The following DCDC2 variants were observed in gnomAD, a reference collection of about 807,000 sequenced individuals.
The protein encoded by DCDC2 is doublecortin domain-containing protein 2.
Under a neutral mutation model 50.2 loss-of-function variants are expected in DCDC2, and 40 were observed. The ratio of observed to expected loss-of-function variants is 0.80; its 90% confidence interval spans 0.62 to 1.04. DCDC2 has a LOEUF of 1.04. DCDC2 is among the 50% of genes least tolerant of loss of function. DCDC2 has a pLI of 0.00. For synonymous variants in DCDC2, 234 were observed against 210.6 expected (o/e 1.11, Z -0.96); for missense variants, 570 against 581.9 (o/e 0.98, Z 0.21).
chr6:24,264,453 GA>G (rs1345874323), intron 7 of DCDC2, among the ~76,000 whole-genome samples: 1 of 151,790 alleles, frequency 6.6e-6, no homozygotes, highest in Non-Finnish European at 1.5e-5. Context: ...ATTATAAATA[GA>G]AATAATATGT....
At chr6:24,179,313 C>T (rs1033875464) in intron 8 of DCDC2, among the ~76,000 whole-genome samples, 3 of 151,778 alleles carry the variant, frequency 2.0e-5, no homozygotes, top group East Asian at 1.9e-4. Flanking sequence ...TTTGGGAGGC[C>T]GAGGCGGGCA....
intron 7 of DCDC2, among the ~76,000 whole-genome samples, chr6:24,269,100 A>C (rs1763185065): frequency 6.6e-6 from 1 of 152,246 alleles, no homozygotes; most frequent in Admixed American, 6.5e-5. Context: ...GCAATAGAGA[A>C]GAATAAAAAT....
At chr6:24,348,297 A>G (rs1387376947) in intron 2 of DCDC2, among the ~76,000 whole-genome samples, 1 of 152,218 alleles carries the variant, frequency 6.6e-6, no homozygotes, top group Non-Finnish European at 1.5e-5. Flanking sequence ...TAAAAGAATC[A>G]GGGATTAACC....
chr6:24,239,057 T>C, intron 7 of DCDC2, among the ~76,000 whole-genome samples: 1 of 152,186 alleles, frequency 6.6e-6, no homozygotes, highest in South Asian at 2.1e-4. Flanking sequence ...CTTCCCAAAA[T>C]TTATTCATTC....
intron 2 of DCDC2, among the ~76,000 whole-genome samples, chr6:24,348,509 T>C (rs1760308098): frequency 6.6e-6 from 1 of 152,192 alleles, no homozygotes; most frequent in African/African-American, 2.4e-5. Context: ...AATGTGTCTA[T>C]CCTCTAAGCC....
At chr6:24,217,275 G>A (rs1291146450) in intron 7 of DCDC2, among the ~76,000 whole-genome samples, 2 of 151,954 alleles carry the variant, frequency 1.3e-5, no homozygotes, top group Non-Finnish European at 2.9e-5. Context: ...ATACTTAAAG[G>A]ATTAAATACC....
intron 7 of DCDC2, among the ~76,000 whole-genome samples, chr6:24,206,659 G>A (rs924653568): frequency 6.6e-6 from 1 of 152,096 alleles, no homozygotes. Context: ...GTATCCAAGC[G>A]GAGCTACGAA....
At chr6:24,303,314 C>T (rs1466673198) in intron 2 of DCDC2, among the ~76,000 whole-genome samples, 1 of 152,026 alleles carries the variant, frequency 6.6e-6, no homozygotes, top group Non-Finnish European at 1.5e-5. Context: ...GGCCAAGTGC[C>T]GCTTACTTGG....
At chr6:24,227,739 AAAC>A (rs1762260882) in intron 7 of DCDC2, among the ~76,000 whole-genome samples, 3 of 152,350 alleles carry the variant, frequency 2.0e-5, no homozygotes, top group South Asian at 2.1e-4. Context: ...CACATGATGC[AAAC>A]AACAACCGTC....
the DCDC2 span, among the ~76,000 whole-genome samples, chr6:24,365,080 A>T: frequency 1.7e-3 from 256 of 150,220 alleles, no homozygotes; most frequent in African/African-American, 5.5e-3. Context: ...GAATTCAATT[A>T]GTTCTGGTAA....
the DCDC2 span, among the ~76,000 whole-genome samples, chr6:24,380,732 G>A: frequency 4.2e-3 from 641 of 152,330 alleles, 2 homozygotes; most frequent in Non-Finnish European, 7.6e-3. Flanking sequence ...TATGAGGAGT[G>A]AGGACCAAAC....
At chr6:24,360,423 G>C (rs140275382), upstream of DCDC2, among the ~76,000 whole-genome samples, 1,653 of 152,306 alleles carry the variant, frequency 0.011, 28 homozygotes, top group African/African-American at 0.035. Flanking sequence ...CCTGTGCCAA[G>C]CTTTACGCCA....
At chr6:24,249,714 A>T (rs890206321) in intron 7 of DCDC2, among the ~76,000 whole-genome samples, 4 of 152,216 alleles carry the variant, frequency 2.6e-5, no homozygotes, top group African/African-American at 4.8e-5. Context: ...CACATCTCCT[A>T]ACAGCATTTC....
intron 7 of DCDC2, among the ~76,000 whole-genome samples, chr6:24,252,822 C>T (rs1374213093): frequency 2.6e-5 from 4 of 152,108 alleles, no homozygotes; most frequent in African/African-American, 9.7e-5. Flanking sequence ...CTCAACAATA[C>T]AAAGAGACTA....
In DCDC2 at chr6:24,301,764, G is replaced by A. The variant is rs1169525645; in HGVS notation, c.508C>T (p.Leu170=). 1 of 1,614,038 alleles carries A rather than the reference G, an allele frequency of 6.2e-7. No individual in the cohort carries two copies. The highest frequency in any genetic ancestry group is 1.3e-5 in the African/African-American group (1 of 74,906). The change falls in exon 4 of 10, where the codon CTA becomes TTA. Residue 170 remains leucine, a synonymous_variant. Coordinates refer to ENST00000378454, the MANE Select transcript of DCDC2 (RefSeq NM_016356.5). Reference sequence around the variant, plus strand: ...GTGATTTTTTCTGTGACCATTTGTAGTACATGATCCCACTGATTCAAGGTT... The same window carrying A: ...GTGATTTTTTCTGTGACCATTTGTAATACATGATCCCACTGATTCAAGGTT... The part of the protein sequence containing the change: ...RKTLNQWDHV[L]QMVTEKITLR...
chr6:24,196,921 T>C (rs1431246526), intron 8 of DCDC2, among the ~76,000 whole-genome samples: 2 of 152,224 alleles, frequency 1.3e-5, no homozygotes, highest in African/African-American at 2.4e-5. Context: ...TCCACACTTT[T>C]AGTTTTCCAT....
At chr6:24,193,766 C>A (rs1475391089) in intron 8 of DCDC2, among the ~76,000 whole-genome samples, 1 of 151,852 alleles carries the variant, frequency 6.6e-6, no homozygotes, top group Non-Finnish European at 1.5e-5. Flanking sequence ...ATGTATGTGG[C>A]CCTATTTTTG....
rs180875825 is a variant in DCDC2 at position 24,299,041 on chromosome 6, G to T, written c.557+2674C>A. ...ACCAAAAAGAAGCATGCACTGGTAC[G>T]TTCACTGCCGTGCTATTCACAATAG... is the stretch of plus-strand genomic sequence containing the variant. On this transcript the variant is annotated intron_variant, in intron 4 of 9. Coordinates refer to ENST00000378454, the MANE Select transcript of DCDC2 (RefSeq NM_016356.5). 2.0e-5 allele frequency among the ~76,000 whole-genome samples: 3 copies of T among 152,306 alleles called. No homozygotes were observed. In the East Asian group the frequency reaches 5.8e-4, roughly 29 times the overall value.
At chr6:24,274,111 C>T (rs1763298070) in intron 7 of DCDC2, among the ~76,000 whole-genome samples, 1 of 152,218 alleles carries the variant, frequency 6.6e-6, no homozygotes, top group African/African-American at 2.4e-5. Flanking sequence ...GCCTTGAAAA[C>T]GTACTTACAA....
Sources: gnomAD v4.1 joint callset for allele counts (sites outside exome capture counted in the v4.1 genomes callset) on GRCh38, gnomAD v4.1.1 for gene constraint, MANE v1.5 for transcripts, NCBI Gene and HGNC (gene_info 2026-07-23, HGNC 2026-07-21) for gene names.